Variants in CELF4 observed in about 807,000 individuals in gnomAD.
The protein encoded by CELF4 is CUGBP Elav-like family member 4.
CELF4 carries 18 observed loss-of-function variants against 59.9 expected under a neutral mutation model. That is an observed-to-expected ratio of 0.30 (90% CI 0.21 to 0.45). The LOEUF is 0.45. Ranked by LOEUF, CELF4 falls within the 20% of genes least tolerant of loss-of-function variation. CELF4 has a pLI of 1.00. For synonymous variants in CELF4, 261 were observed against 267.1 expected, an observed-to-expected ratio of 0.98 and a Z score of 0.22; for missense variants, 456 against 689.0, an observed-to-expected ratio of 0.66 and a Z score of 3.79.
At chr18:37,522,380 C>T (rs939662257) in intron 1 of CELF4, among the ~76,000 whole-genome samples, 1 of 152,160 alleles carries the variant, frequency 6.6e-6, no homozygotes, top group African/African-American at 2.4e-5. Context: ...GCCCGGCCCC[C>T]AGCCCAGGAC....
chr18:37,374,379 T>C (rs1373632088), intron 2 of CELF4, among the ~76,000 whole-genome samples: 1 of 152,178 alleles, frequency 6.6e-6, no homozygotes, highest in African/African-American at 2.4e-5. Flanking sequence ...CACTCTGACA[T>C]CCGGCTCCGA....
intron 3 of CELF4, among the ~76,000 whole-genome samples, chr18:37,278,886 G>A (rs2154375591): frequency 6.6e-6 from 1 of 152,290 alleles, no homozygotes; most frequent in African/African-American, 2.4e-5. Flanking sequence ...CACCCACTCT[G>A]CCCACCTCCT....
chr18:37,396,962 G>A (rs149020311), intron 2 of CELF4, among the ~76,000 whole-genome samples: 2,003 of 152,276 alleles, frequency 0.013, 29 homozygotes, highest in Non-Finnish European at 0.018. Flanking sequence ...CCGTCTCTGA[G>A]GGTGCAGGCT....
chr18:37,450,222 T>C (rs2099759338), intron 2 of CELF4, among the ~76,000 whole-genome samples: 1 of 152,070 alleles, frequency 6.6e-6, no homozygotes, highest in Non-Finnish European at 1.5e-5. Flanking sequence ...GTGTTATGTA[T>C]GTGTGTTATG....
At chr18:37,406,274 T>C (rs1256421660) in intron 2 of CELF4, among the ~76,000 whole-genome samples, 1 of 152,080 alleles carries the variant, frequency 6.6e-6, no homozygotes, top group African/African-American at 2.4e-5. Context: ...CCCATCTCTA[T>C]CCTCGGAGCC....
intron 1 of CELF4, among the ~76,000 whole-genome samples, chr18:37,544,936 G>A (rs2099980379): frequency 6.6e-6 from 1 of 152,142 alleles, no homozygotes; most frequent in Non-Finnish European, 1.5e-5. Flanking sequence ...TCCAGGGACA[G>A]GCAACGTGAC....
At chr18:37,461,573 G>A (rs1469304509) in intron 2 of CELF4, among the ~76,000 whole-genome samples, 1 of 152,148 alleles carries the variant, frequency 6.6e-6, no homozygotes, top group African/African-American at 2.4e-5. Flanking sequence ...ACTACAATTC[G>A]AGATGAGATT....
intron 1 of CELF4, among the ~76,000 whole-genome samples, chr18:37,536,377 T>C (rs2099973511): frequency 6.6e-6 from 1 of 152,112 alleles, no homozygotes; most frequent in Non-Finnish European, 1.5e-5. Context: ...GGAAACTCTT[T>C]CTTCTCTAGA....
At chr18:37,543,850 C>T (rs567842991) in intron 1 of CELF4, among the ~76,000 whole-genome samples, 24 of 152,316 alleles carry the variant, frequency 1.6e-4, no homozygotes, top group Non-Finnish European at 2.5e-4. Context: ...ATGAGAGAGG[C>T]CGCTACGTGG....
At chr18:37,458,849 G>T (rs1018036435) in intron 2 of CELF4, among the ~76,000 whole-genome samples, 1 of 152,260 alleles carries the variant, frequency 6.6e-6, no homozygotes, top group Non-Finnish European at 1.5e-5. Flanking sequence ...GTTGTTTGCA[G>T]AGTTACTCCT....
chr18:37,390,802 C>T (rs867319211), intron 2 of CELF4, among the ~76,000 whole-genome samples: 2 of 57,842 alleles, frequency 3.5e-5, no homozygotes, highest in Non-Finnish European at 6.4e-5. Flanking sequence ...GGTGATGGGG[C>T]GGGGAGGGGG....
rs1029964346 is a variant in CELF4, at chr18:37,565,489, G to A, written c.153C>T (p.His51=). The change falls in exon 1 of 13, where the codon CAC becomes CAT. Residue 51 remains histidine (H), a synonymous_variant. Coordinates refer to ENST00000420428, the MANE Select transcript of CELF4 (RefSeq NM_020180.4). ...GNPSTIPMKD[H]DAIKLFIGQI... is the part of the protein sequence containing the mutation. ...GCCCAATGAACAGCTTGATGGCATC[G>A]TGGTCCTTCATGGGAATGGTCGACG... is the stretch of plus-strand genomic sequence containing the variant. 6.2e-7 allele frequency: 1 copy of A among 1,614,136 alleles called. No homozygotes were observed. Among genetic ancestry groups the A allele is most frequent in the East Asian group, 2.2e-5 (1 of 44,848 alleles).
At chr18:37,319,362 A>G (rs1385627201) in intron 3 of CELF4, among the ~76,000 whole-genome samples, 2 of 152,202 alleles carry the variant, frequency 1.3e-5, no homozygotes, top group Non-Finnish European at 2.9e-5. Context: ...CTGGACCTTG[A>G]CTACCGGGGT....
At chr18:37,504,219 A>T (rs982892187) in intron 1 of CELF4, among the ~76,000 whole-genome samples, 3 of 152,170 alleles carry the variant, frequency 2.0e-5, no homozygotes, top group Non-Finnish European at 2.9e-5. Flanking sequence ...GGCCGGGCAC[A>T]GTGGCTCACG....
chr18:37,391,481 T>A (rs1338374613), intron 2 of CELF4, among the ~76,000 whole-genome samples: 3 of 152,180 alleles, frequency 2.0e-5, no homozygotes, highest in Admixed American at 6.5e-5. Context: ...CAAGGTCCCA[T>A]GTGGTCGAAC....
intron 2 of CELF4, among the ~76,000 whole-genome samples, chr18:37,405,592 A>C (rs1221095623): frequency 6.6e-6 from 1 of 152,272 alleles, no homozygotes; most frequent in Non-Finnish European, 1.5e-5. Flanking sequence ...ATGCAGGGGA[A>C]GCCTTCTCTC....
intron 12 of CELF4, among the ~76,000 whole-genome samples, chr18:37,249,759 TCCAACTCA>T (rs2064294806): frequency 6.6e-6 from 1 of 152,014 alleles, no homozygotes; most frequent in African/African-American, 2.4e-5. Flanking sequence ...CATGGTGAAG[TCCAACTCA>T]CCGAGCTGGG....
chr18:37,401,350 T>G (rs1298583525), intron 2 of CELF4, among the ~76,000 whole-genome samples: 1 of 152,232 alleles, frequency 6.6e-6, no homozygotes, highest in African/African-American at 2.4e-5. Context: ...GCACCTACTG[T>G]GTGGAGGCCC....
intron 2 of CELF4, among the ~76,000 whole-genome samples, chr18:37,323,099 C>T (rs372650183): frequency 5.9e-5 from 9 of 152,178 alleles, no homozygotes; most frequent in South Asian, 4.2e-4. Context: ...GTTTTGGCTG[C>T]GTCAGGACAA....
Sources: gnomAD v4.1 joint callset for allele counts (sites outside exome capture counted in the v4.1 genomes callset) on GRCh38, gnomAD v4.1.1 for gene constraint, MANE v1.5 for transcripts, NCBI Gene and HGNC (gene_info 2026-07-23, HGNC 2026-07-21) for gene names.